PPA2: variants seen among roughly 807,000 people sequenced by gnomAD.
The protein encoded by PPA2 is inorganic pyrophosphatase 2, mitochondrial.
Under a neutral mutation model 49.5 loss-of-function variants are expected in PPA2, and 48 were observed. The observed-to-expected ratio is 0.97, with a 90% CI of 0.77 to 1.23. The LOEUF (loss-of-function observed/expected upper bound fraction) is 1.23, where lower values mean the gene tolerates loss of function less well. Among genes scored for constraint, PPA2 ranks in the 50% most tolerant of loss-of-function variants. The probability of loss-of-function intolerance (pLI) is 0.00; values close to 1 mark genes in which losing one functional copy is unlikely to be tolerated. For missense variants in PPA2, 429 were observed against 410.1 expected (o/e 1.05, Z -0.40); for synonymous variants, 131 against 139.9 (o/e 0.94, Z 0.45).
chr4:105,408,691 A>G (rs555685948), intron 7 of PPA2, among the ~76,000 whole-genome samples: 8 of 152,238 alleles, frequency 5.3e-5, no homozygotes, highest in Non-Finnish European at 1.0e-4. Flanking sequence ...CAATAGTTAA[A>G]AATGGCAAAA....
chr4:105,429,014 G>T (rs1723670728), intron 6 of PPA2, among the ~76,000 whole-genome samples: 1 of 152,108 alleles, frequency 6.6e-6, no homozygotes, highest in Admixed American at 6.6e-5. Flanking sequence ...ATAGGTAGTT[G>T]CCTGTCATCT....
At chr4:105,457,802 A>C (rs1383374176) in intron 1 of PPA2, among the ~76,000 whole-genome samples, 2 of 152,168 alleles carry the variant, frequency 1.3e-5, no homozygotes, top group Non-Finnish European at 2.9e-5. Flanking sequence ...GAGCTCAAAC[A>C]ATCCACCTAC....
At chr4:105,405,654 G>T in intron 7 of PPA2, 3 of 1,011,138 alleles carry the variant, frequency 3.0e-6, no homozygotes, top group Non-Finnish European at 3.6e-6. Flanking sequence ...GGAAAAAACA[G>T]AGACCTTTTG....
chr4:105,405,112 T>A (rs1189955186), intron 7 of PPA2: 1 of 525,112 alleles, frequency 1.9e-6, no homozygotes, highest in Non-Finnish European at 2.4e-6. Context: ...AATAAATAAA[T>A]ACACAAACAT....
intron 2 of PPA2, among the ~76,000 whole-genome samples, chr4:105,454,340 G>GTTGTTGTTGTTT (rs1487069684): frequency 4.0e-5 from 6 of 149,114 alleles, no homozygotes; most frequent in Non-Finnish European, 7.4e-5. Context: ...TGTTGTTGTT[G>GTTGTTGTTGTTT]TTTTTGAGAC....
intron 6 of PPA2, among the ~76,000 whole-genome samples, chr4:105,432,688 T>C (rs575133687): frequency 1.3e-5 from 2 of 152,358 alleles, no homozygotes; most frequent in African/African-American, 4.8e-5. Flanking sequence ...CACAGATTCA[T>C]AAACTTTCGT....
chr4:105,394,599 G>T (rs1734060303), intron 9 of PPA2, among the ~76,000 whole-genome samples: 1 of 152,086 alleles, frequency 6.6e-6, no homozygotes, highest in Admixed American at 6.6e-5. Context: ...GTTAATAAAT[G>T]TTAACTCTTA....
intron 5 of PPA2, among the ~76,000 whole-genome samples, chr4:105,444,824 G>A (rs191337006): frequency 2.0e-5 from 3 of 152,182 alleles, no homozygotes; most frequent in South Asian, 4.1e-4. Context: ...AGAACCATAC[G>A]ATAATAAAAG....
chr4:105,456,517 A>T, intron 2 of PPA2, 164 bp downstream of exon 2: 1 of 571,464 alleles, frequency 1.7e-6, no homozygotes, highest in Non-Finnish European at 3.2e-6. Context: ...CTATTCTCAT[A>T]CAACTTTTAA....
rs537631954 is a variant in PPA2, at chr4:105,408,407, A to G, written c.656-9243T>C. On this transcript the variant is annotated intron_variant, in intron 7 of 11. Coordinates refer to ENST00000341695, the MANE Select transcript of PPA2 (RefSeq NM_176869.3). ...GCTCTGAGTCAAAACCTTTTTTTAA[A>G]TACGTTTTCTTTAAAATAAAATAAG... 1.1e-4 allele frequency among the ~76,000 whole-genome samples: 17 copies of G among 152,014 alleles called. No homozygotes were observed. In the East Asian group the frequency reaches 1.3e-3, roughly 12 times the overall value.
At chr4:105,448,173 T>C (rs1012022162) in intron 4 of PPA2, 3 of 296,030 alleles carry the variant, frequency 1.0e-5, no homozygotes, top group African/African-American at 4.5e-5. Context: ...TCATAGATCC[T>C]TGCATCCTCC....
At chr4:105,435,045 G>A (rs988046782) in intron 6 of PPA2, among the ~76,000 whole-genome samples, 2 of 152,136 alleles carry the variant, frequency 1.3e-5, no homozygotes, top group African/African-American at 4.8e-5. Flanking sequence ...AAGGGACTTA[G>A]AACATTCAAG....
At chr4:105,413,163 G>C (rs1399319150) in intron 7 of PPA2, among the ~76,000 whole-genome samples, 2 of 152,208 alleles carry the variant, frequency 1.3e-5, no homozygotes, top group Non-Finnish European at 2.9e-5. Context: ...AAAAGGGTGA[G>C]TTCATGTCCT....
intron 10 of PPA2, among the ~76,000 whole-genome samples, chr4:105,381,631 A>T (rs1384795015): frequency 6.6e-6 from 1 of 152,076 alleles, no homozygotes; most frequent in Non-Finnish European, 1.5e-5. Context: ...TTATCAATTC[A>T]TCTGTGTTTA....
intron 6 of PPA2, among the ~76,000 whole-genome samples, chr4:105,432,893 C>T (rs182667371): frequency 1.2e-3 from 190 of 152,240 alleles, no homozygotes; most frequent in African/African-American, 4.5e-3. Context: ...CCAATTCTGC[C>T]AACTTACTAG....
Position 105,369,705 on chromosome 4 carries a change from C to G in PPA2, c.*20G>C. 6.4e-7 allele frequency: 1 copy of G among 1,558,838 alleles called. No homozygotes were observed. Among genetic ancestry groups the G allele is most frequent in the Non-Finnish European group, 8.8e-7 (1 of 1,134,332 alleles). Reference sequence around the variant, plus strand: ...TCCTTAGAGATGGGAATCTTGACAGCAGAATTTCAGATGTTTCAATCACTT... The same window carrying G: ...TCCTTAGAGATGGGAATCTTGACAGGAGAATTTCAGATGTTTCAATCACTT... On this transcript the variant is annotated 3_prime_UTR_variant, in exon 12 of 12. Coordinates refer to ENST00000341695, the MANE Select transcript of PPA2 (RefSeq NM_176869.3).
At chr4:105,416,013 G>C (rs1722989259) in intron 7 of PPA2, among the ~76,000 whole-genome samples, 1 of 152,076 alleles carries the variant, frequency 6.6e-6, no homozygotes, top group Admixed American at 6.5e-5. Context: ...TATCAAAATT[G>C]TTACCAATTA....
At chr4:105,450,598 A>ATTTTTTTTTTTT (rs1560637285) in intron 3 of PPA2, among the ~76,000 whole-genome samples, 2 of 63,320 alleles carry the variant, frequency 3.2e-5, no homozygotes, top group Non-Finnish European at 6.4e-5. Context: ...CTGGTCTGGA[A>ATTTTTTTTTTTT]TTCTTTTTTT....
chr4:105,405,038 C>CTGCCA, intron 7 of PPA2: 1 of 239,084 alleles, frequency 4.2e-6, no homozygotes, highest in Non-Finnish European at 6.8e-6. Context: ...AGCCAAGATC[C>CTGCCA]TGCCACTGCA....
Sources: gnomAD v4.1 joint callset for allele counts (sites outside exome capture counted in the v4.1 genomes callset) on GRCh38, gnomAD v4.1.1 for gene constraint, MANE v1.5 for transcripts, NCBI Gene and HGNC (gene_info 2026-07-23, HGNC 2026-07-21) for gene names.